The following EXPH5 variants were observed in gnomAD, a reference collection of about 807,000 sequenced individuals.
EXPH5 encodes exophilin 5.
A neutral mutation model predicts 41.1 loss-of-function variants in EXPH5; 42 were observed. The observed-to-expected ratio is 1.02, with a 90% CI of 0.80 to 1.32. The LOEUF (loss-of-function observed/expected upper bound fraction) is 1.32, where lower values mean the gene tolerates loss of function less well. Among genes scored for constraint, EXPH5 ranks in the 40% most tolerant of loss-of-function variants. The probability of loss-of-function intolerance (pLI) is 0.00; values close to 1 mark genes in which losing one functional copy is unlikely to be tolerated. For synonymous variants in EXPH5, 798 were observed against 833.5 expected (o/e 0.96, Z 0.73); for missense variants, 2,298 against 2,314.5 (o/e 0.99, Z 0.15).
At chr11:108,527,312 A>G (rs930059942) in intron 4 of EXPH5, among the ~76,000 whole-genome samples, 2 of 151,792 alleles carry the variant, frequency 1.3e-5, no homozygotes, top group Non-Finnish European at 2.9e-5. Flanking sequence ...AGAGTGAGAA[A>G]CTGTCTCAAA....
chr11:108,551,178 C>T (rs1016308844), intron 1 of EXPH5, among the ~76,000 whole-genome samples: 5 of 152,178 alleles, frequency 3.3e-5, no homozygotes, highest in Non-Finnish European at 7.3e-5. Context: ...AACTGAGACG[C>T]GAACCCACAC....
chr11:108,604,407 G>A, the EXPH5 span, among the ~76,000 whole-genome samples: 48 of 151,890 alleles, frequency 3.2e-4, 2 homozygotes, highest in South Asian at 8.1e-3. Flanking sequence ...AAAGAAAGGC[G>A]GGGGGTGGGA....
chr11:108,512,438 T>C lies in EXPH5; in HGVS notation c.3069A>G (p.Pro1023=), dbSNP rs1174047136. The C allele has an allele frequency of 6.2e-7, 1 of 1,612,276 alleles. No homozygotes were observed. The highest frequency in any genetic ancestry group is 1.1e-5 in the South Asian group (1 of 90,364). The change falls in exon 6 of 6, where the codon CCA becomes CCG. Residue 1023 remains proline, a synonymous_variant. Coordinates refer to ENST00000265843, the MANE Select transcript of EXPH5 (RefSeq NM_015065.3). The part of the protein sequence containing the change: ...SELDTIYCTL[P]RKSSSFLIHG... ...GTATGAGAAAACTGCTTGATTTTCT[T>C]GGCAAGGTACAATAAATTGTGTCAA... is the stretch of plus-strand genomic sequence containing the variant.
intron 1 of EXPH5, among the ~76,000 whole-genome samples, chr11:108,577,373 T>C (rs2094083276): frequency 6.6e-6 from 1 of 152,138 alleles, no homozygotes; most frequent in African/African-American, 2.4e-5. Flanking sequence ...TCTGTTATTT[T>C]CTGTCTTTTT....
At chr11:108,543,130 C>G (rs1166366868) in intron 1 of EXPH5, among the ~76,000 whole-genome samples, 1 of 152,174 alleles carries the variant, frequency 6.6e-6, no homozygotes, top group African/African-American at 2.4e-5. Flanking sequence ...TTGAGACGGA[C>G]AGAAAAGCCA....
intron 1 of EXPH5, among the ~76,000 whole-genome samples, chr11:108,551,423 T>C (rs1591727712): frequency 6.6e-6 from 1 of 152,280 alleles, no homozygotes; most frequent in East Asian, 1.9e-4. Context: ...AAATCTCAAA[T>C]GTTTCTCAGA....
chr11:108,516,089 A>C (rs982087132), intron 5 of EXPH5, among the ~76,000 whole-genome samples: 16 of 150,340 alleles, frequency 1.1e-4, no homozygotes, highest in Non-Finnish European at 2.2e-4. Flanking sequence ...AAAAAAAAAA[A>C]CCAGAAAAAA....
chr11:108,564,131 A>T (rs2094024531), intron 1 of EXPH5, among the ~76,000 whole-genome samples: 1 of 151,880 alleles, frequency 6.6e-6, no homozygotes, highest in Non-Finnish European at 1.5e-5. Context: ...AATACAAAAA[A>T]AAATAAATTA....
chr11:108,581,733 TA>T (rs2094098903), intron 1 of EXPH5, among the ~76,000 whole-genome samples: 1 of 151,746 alleles, frequency 6.6e-6, no homozygotes, highest in Admixed American at 6.6e-5. Flanking sequence ...AAAACATCAA[TA>T]AATTTGATAA....
intron 4 of EXPH5, among the ~76,000 whole-genome samples, chr11:108,520,401 C>T (rs998443834): frequency 5.3e-5 from 8 of 151,660 alleles, no homozygotes; most frequent in Non-Finnish European, 1.0e-4. Context: ...CCTCAGATGC[C>T]CATAATAAGC....
At position 108,513,556 on chromosome 11, in the gene EXPH5, C is replaced by A. The variant is rs761224029; in HGVS notation, c.1951G>T (p.Val651Phe). Residue 651 changes from valine (V) to phenylalanine (F), a missense_variant, in exon 6 of 6, where the codon GTC (valine) becomes TTC (phenylalanine). Physicochemically the swap from Val to Phe is conservative, Grantham distance 50 (BLOSUM62 -1). Coordinates refer to ENST00000265843, the MANE Select transcript of EXPH5 (RefSeq NM_015065.3). ...TTTGGAAAAATTTTCTGCAAAGTGA[C>A]TGTGGGATTCTGCAAGTTGGGACTC... ...PQSPNLQNPT[V>F]TLQKIFPNKP... 1 of 1,614,188 alleles carries A rather than the reference C, an allele frequency of 6.2e-7. No individual in the cohort carries two copies.
At chr11:108,522,079 A>G (rs2093768338) in intron 4 of EXPH5, among the ~76,000 whole-genome samples, 1 of 152,108 alleles carries the variant, frequency 6.6e-6, no homozygotes, top group South Asian at 2.1e-4. Flanking sequence ...ATCCTACTCA[A>G]CGTGTTCAGG....
intron 4 of EXPH5, among the ~76,000 whole-genome samples, chr11:108,519,023 C>A (rs1181057759): frequency 6.6e-6 from 1 of 152,158 alleles, no homozygotes; most frequent in African/African-American, 2.4e-5. Context: ...AAAAAATAAT[C>A]ATAAAAATGG....
intron 1 of EXPH5, among the ~76,000 whole-genome samples, chr11:108,584,750 TA>T (rs979389001): frequency 1.3e-5 from 2 of 152,204 alleles, no homozygotes; most frequent in African/African-American, 4.8e-5. Context: ...ACACTGCACA[TA>T]AATCTTATTT....
rs2135881883 is a variant in EXPH5, at chr11:108,505,987, A to T, written c.*3550T>A. ...TAAATTATTTAGAGGGGAGTCTCTA[A>T]AAATTAAAATAACTTCATTAAACCC... On this transcript the variant is annotated 3_prime_UTR_variant, in exon 6 of 6. Transcript: ENST00000265843. 1 of 152,338 alleles carries T rather than the reference A, an allele frequency of 6.6e-6. No homozygotes were observed. The allele number at this position is 152,338 out of a possible 1,614,324, so 9.4% of individuals were successfully genotyped here.
At chr11:108,522,203 T>A (rs1163842100) in intron 4 of EXPH5, among the ~76,000 whole-genome samples, 1 of 151,052 alleles carries the variant, frequency 6.6e-6, no homozygotes, top group African/African-American at 2.5e-5. Flanking sequence ...TTTTTTTTTT[T>A]TAAAAAAGGA....
At chr11:108,545,223 G>A (rs2093932250) in intron 1 of EXPH5, among the ~76,000 whole-genome samples, 1 of 152,130 alleles carries the variant, frequency 6.6e-6, no homozygotes, top group Non-Finnish European at 1.5e-5. Flanking sequence ...AGACCAACCT[G>A]GGCAACATGG....
intron 1 of EXPH5, among the ~76,000 whole-genome samples, chr11:108,564,135 T>A (rs1010052359): frequency 7.9e-5 from 12 of 151,248 alleles, no homozygotes; most frequent in East Asian, 7.8e-4. Flanking sequence ...CAAAAAAAAA[T>A]AAATTAGCTG....
At chr11:108,600,418 T>G in the EXPH5 span, among the ~76,000 whole-genome samples, 1 of 152,152 alleles carries the variant, frequency 6.6e-6, no homozygotes, top group South Asian at 2.1e-4. Flanking sequence ...CTCATTTTGA[T>G]TCAAGTACTT....
Sources: gnomAD v4.1 joint callset for allele counts (sites outside exome capture counted in the v4.1 genomes callset) on GRCh38, gnomAD v4.1.1 for gene constraint, MANE v1.5 for transcripts, NCBI Gene and HGNC (gene_info 2026-07-23, HGNC 2026-07-21) for gene names.